Variants in MAST4 observed in about 807,000 individuals in gnomAD.
MAST4 encodes microtubule-associated serine/threonine-protein kinase 4.
MAST4 carries 89 observed loss-of-function variants against 162.7 expected under a neutral mutation model. That is an observed-to-expected ratio of 0.55 (90% CI 0.46 to 0.65). MAST4 has a LOEUF of 0.65. Ranked by LOEUF, MAST4 falls within the 30% of genes least tolerant of loss-of-function variation. The probability of loss-of-function intolerance (pLI) is 0.00; values close to 1 mark genes in which losing one functional copy is unlikely to be tolerated. For missense variants in MAST4, 3,153 were observed against 3,374.0 expected, an observed-to-expected ratio of 0.93 and a Z score of 1.62; for synonymous variants, 1,479 against 1,361.1, an observed-to-expected ratio of 1.09 and a Z score of -1.91.
intron 1 of MAST4, among the ~76,000 whole-genome samples, chr5:66,693,491 C>T (rs1329210491): frequency 1.3e-5 from 2 of 152,076 alleles, no homozygotes; most frequent in African/African-American, 4.8e-5. Context: ...CACTTCACCA[C>T]AAGAAAATGA....
At position 66,676,532 on chromosome 5, in the gene MAST4, C is replaced by T. The variant is rs533848583; in HGVS notation, c.363+79514C>T. ...TTAGTGAAAGACTCAGAATAGCTTT[C>T]AGACCTGGGAATACGAATTCATCAT... On this transcript the variant is annotated intron_variant, in intron 1 of 28. Transcript: ENST00000403625. 2.0e-5 allele frequency among the ~76,000 whole-genome samples: 3 copies of T among 152,284 alleles called. No individual in the cohort carries two copies. In the South Asian group the frequency reaches 6.2e-4, roughly 32 times the overall value.
At chr5:67,011,471 C>T (rs1025912659) in intron 4 of MAST4, among the ~76,000 whole-genome samples, 28 of 152,244 alleles carry the variant, frequency 1.8e-4, no homozygotes, top group Admixed American at 1.4e-3. Flanking sequence ...GCAGGGCTTG[C>T]CCCTTCAGTC....
At position 67,167,050 on chromosome 5, in the gene MAST4, A is replaced by G. The variant is rs1269831289; in HGVS notation, c.7871A>G (p.Ter2624=). 6.3e-7 allele frequency: 1 copy of G among 1,576,526 alleles called. No homozygotes were observed. Among genetic ancestry groups the G allele is most frequent in the Non-Finnish European group, 8.6e-7 (1 of 1,160,868 alleles). ...AGCAGCCCTCACAAAAAGGCCTTGT[A>G]ACGGGGAGGGCCCAGGGGCAGGACT... ...LRSSPHKKAL[*] The change falls in exon 29 of 29, where the codon TAA becomes TGA. Residue 2624 remains the stop codon, a stop_retained_variant. Coordinates refer to ENST00000403625, the MANE Select transcript of MAST4 (RefSeq NM_001164664.2).
intron 27 of MAST4, among the ~76,000 whole-genome samples, chr5:67,161,600 T>C (rs1316507690): frequency 1.3e-5 from 2 of 152,166 alleles, no homozygotes; most frequent in Non-Finnish European, 2.9e-5. Flanking sequence ...CATTTAGCAA[T>C]ATGTAGACAA....
At chr5:66,887,338 C>G (rs893889929) in intron 3 of MAST4, among the ~76,000 whole-genome samples, 1 of 152,184 alleles carries the variant, frequency 6.6e-6, no homozygotes, top group African/African-American at 2.4e-5. Flanking sequence ...CTTTATGATG[C>G]CAGAGTTGTG....
In MAST4 at chr5:67,163,061, C is replaced by T. The variant is rs1773395350; in HGVS notation, c.3968-86C>T. The stretch of plus-strand genomic sequence containing the variant: ...AGACAATTTGCTGATCTTACCTGGC[C>T]TTACCTAATACAGTCTGGGCTACAA... On this transcript the variant is annotated intron_variant, in intron 28 of 28. Transcript: ENST00000403625. This position sits in a 1 kb window ranked among gnomAD's most constrained non-coding sequence, Gnocchi z 7.0. The T allele has an allele frequency of 1.4e-6, 2 of 1,430,038 alleles. No homozygotes were observed. Among genetic ancestry groups the T allele is most frequent in the Non-Finnish European group, 9.5e-7 (1 of 1,054,138 alleles). 88.6% of individuals were successfully genotyped at this position (1,430,038 alleles called of 1,614,324 possible). A position where few individuals can be genotyped will look rare whatever the true frequency, so the allele number is the denominator to read the frequency against.
At chr5:66,827,794 C>T (rs1240587161) in intron 3 of MAST4, among the ~76,000 whole-genome samples, 1 of 152,200 alleles carries the variant, frequency 6.6e-6, no homozygotes, top group Non-Finnish European at 1.5e-5. Context: ...GTATCTCTCT[C>T]AGGATCAAAC....
chr5:66,727,353 A>G (rs532704497), intron 1 of MAST4, among the ~76,000 whole-genome samples: 14 of 152,254 alleles, frequency 9.2e-5, no homozygotes, highest in African/African-American at 3.4e-4. Flanking sequence ...TTTCTGCAAA[A>G]TGACTCTGCA....
At chr5:66,617,179 T>C (rs1369576203) in intron 1 of MAST4, among the ~76,000 whole-genome samples, 1 of 152,200 alleles carries the variant, frequency 6.6e-6, no homozygotes, top group East Asian at 1.9e-4. Flanking sequence ...ATGTTTGGGT[T>C]TTCTGATGCC....
At chr5:66,835,307 G>A (rs916720783) in intron 3 of MAST4, among the ~76,000 whole-genome samples, 1 of 152,132 alleles carries the variant, frequency 6.6e-6, no homozygotes, top group African/African-American at 2.4e-5. Context: ...ATCACATAAT[G>A]AGAGCTGTGA....
chr5:66,695,073 T>A (rs1355760030), intron 1 of MAST4, among the ~76,000 whole-genome samples: 1 of 152,176 alleles, frequency 6.6e-6, no homozygotes. Flanking sequence ...TTTTGACGCT[T>A]TTGTCATGAA....
chr5:66,784,401 A>G (rs1460138279), intron 2 of MAST4, among the ~76,000 whole-genome samples: 1 of 152,248 alleles, frequency 6.6e-6, no homozygotes, highest in Admixed American at 6.5e-5. Context: ...CTCCGGATAC[A>G]TTAAAAAATT....
chr5:67,020,108 A>C (rs773625094), intron 4 of MAST4, among the ~76,000 whole-genome samples: 9 of 152,150 alleles, frequency 5.9e-5, no homozygotes, highest in Non-Finnish European at 8.8e-5. Flanking sequence ...TGAACTGTAC[A>C]TGTTACCTCT....
At chr5:66,612,124 G>A (rs80215097) in intron 1 of MAST4, among the ~76,000 whole-genome samples, 4,409 of 152,300 alleles carry the variant, frequency 0.029, 185 homozygotes, top group African/African-American at 0.096. Context: ...ACAGGCTGGA[G>A]CTATATCTCT....
At chr5:66,787,095 A>G (rs1026990492) in intron 2 of MAST4, among the ~76,000 whole-genome samples, 2 of 152,218 alleles carry the variant, frequency 1.3e-5, no homozygotes, top group African/African-American at 4.8e-5. Context: ...GTGAATGAAA[A>G]GCCCATCCCA....
At chr5:66,797,959 T>C (rs573620803) in intron 3 of MAST4, among the ~76,000 whole-genome samples, 1 of 152,334 alleles carries the variant, frequency 6.6e-6, no homozygotes, top group South Asian at 2.1e-4. Context: ...AAATGAGTTC[T>C]GACTTAATCT....
intron 2 of MAST4, among the ~76,000 whole-genome samples, chr5:66,760,086 T>A (rs887198805): frequency 4.2e-5 from 6 of 141,894 alleles, no homozygotes; most frequent in African/African-American, 1.7e-4. Flanking sequence ...CCTATTTATT[T>A]ATTTATTTAT....
chr5:66,723,456 G>T (rs1431808719), intron 1 of MAST4, among the ~76,000 whole-genome samples: 2 of 152,154 alleles, frequency 1.3e-5, no homozygotes, highest in African/African-American at 4.8e-5. Flanking sequence ...TGAAAGAAGG[G>T]TTAGCTATGG....
At chr5:66,927,477 C>T (rs535668141) in intron 4 of MAST4, among the ~76,000 whole-genome samples, 31 of 152,298 alleles carry the variant, frequency 2.0e-4, no homozygotes, top group African/African-American at 7.5e-4. Flanking sequence ...AGTATATGAT[C>T]CCTATCAGGA....
Sources: allele counts gnomAD v4.1 joint callset (sites outside exome capture counted in the v4.1 genomes callset), GRCh38; gene constraint gnomAD v4.1.1; non-coding constraint Gnocchi (gnomAD v3.1); transcripts MANE v1.5; gene names NCBI Gene and HGNC (gene_info 2026-07-23, HGNC 2026-07-21).